TMEM178B: variants seen among roughly 807,000 people sequenced by gnomAD.
TMEM178B encodes the protein transmembrane protein 178B.
In TMEM178B, 5 loss-of-function variants were observed where a neutral mutation model predicts 31.0. That is an observed-to-expected ratio of 0.16 (90% CI 0.08 to 0.34). The LOEUF (loss-of-function observed/expected upper bound fraction) is 0.34, where lower values mean the gene tolerates loss of function less well. Ranked by LOEUF, TMEM178B falls within the 10% of genes least tolerant of loss-of-function variation. The pLI is 1.00. For synonymous variants in TMEM178B, 164 were observed against 164.0 expected, an observed-to-expected ratio of 1.00 and a Z score of 0.00; for missense variants, 275 against 400.3, an observed-to-expected ratio of 0.69 and a Z score of 2.67.
intron 1 of TMEM178B, among the ~76,000 whole-genome samples, chr7:141,105,727 C>T (rs768767733): frequency 3.9e-5 from 6 of 152,078 alleles, no homozygotes; most frequent in South Asian, 2.1e-4. Context: ...CATTAGAAGA[C>T]GATGAAAGCA....
In TMEM178B at chr7:141,440,971, C is replaced by T. The variant is rs62486700; in HGVS notation, c.634+3226C>T. On this transcript the variant is annotated intron_variant, in intron 3 of 3. Coordinates refer to ENST00000565468, the MANE Select transcript of TMEM178B (RefSeq NM_001195278.2). The stretch of plus-strand genomic sequence containing the variant: ...CAGAAGGGGCTGGAGAACAAAGCCA[C>T]TAAGAGCTGGTCCCTCGAAGTGTGG... Among the ~76,000 whole-genome samples, 966 of 152,340 alleles carry T rather than the reference C, an allele frequency of 6.3e-3. 1 individual carries two copies. The highest frequency in any genetic ancestry group is 0.01 in the Non-Finnish European group (684 of 68,032).
the TMEM178B span, among the ~76,000 whole-genome samples, chr7:141,499,241 T>C: frequency 5.6e-3 from 856 of 152,260 alleles, 10 homozygotes; most frequent in African/African-American, 0.02. Context: ...TCAGTGTACA[T>C]TTCTAGCTGT....
chr7:141,120,133 T>A (rs912897690), intron 1 of TMEM178B, among the ~76,000 whole-genome samples: 3 of 152,202 alleles, frequency 2.0e-5, no homozygotes, highest in Admixed American at 2.0e-4. Flanking sequence ...ATATCAACAG[T>A]GCGTGCCATG....
chr7:141,152,241 A>G (rs1232565542), intron 1 of TMEM178B, among the ~76,000 whole-genome samples: 1 of 152,162 alleles, frequency 6.6e-6, no homozygotes, highest in Non-Finnish European at 1.5e-5. Flanking sequence ...CCCTGGGAAC[A>G]GGCATAGAGC....
intron 2 of TMEM178B, among the ~76,000 whole-genome samples, chr7:141,408,593 G>T (rs971239226): frequency 6.6e-6 from 1 of 152,166 alleles, no homozygotes; most frequent in Non-Finnish European, 1.5e-5. Flanking sequence ...TTCCTGCCCT[G>T]AATGGAGCTT....
intron 2 of TMEM178B, among the ~76,000 whole-genome samples, chr7:141,337,152 CCACCAT>C (rs370051059): frequency 0.012 from 20 of 1,724 alleles, no homozygotes; most frequent in Non-Finnish European, 0.017. Context: ...ATCATCACCA[CCACCAT>C]CACCACCACC....
In TMEM178B at chr7:141,266,057, G is replaced by A. The variant is rs1459422824; in HGVS notation, c.496+53353G>A. On this transcript the variant is annotated intron_variant, in intron 2 of 3. Transcript: ENST00000565468. ...GCTTCATCATCTAGCCCATTCTGGA[G>A]CACATCAGCTCTTCTGGCATCAGAG... Among the ~76,000 whole-genome samples the A allele has an allele frequency of 2.0e-5, 3 of 152,198 alleles. No homozygotes were observed. In the East Asian group the frequency reaches 5.8e-4, roughly 29 times the overall value.
intron 2 of TMEM178B, among the ~76,000 whole-genome samples, chr7:141,364,659 CAAAAAAAAAAAAAA>C (rs980786132): frequency 2.1e-5 from 1 of 47,694 alleles, no homozygotes; most frequent in East Asian, 9.0e-4. Context: ...GACTCTGTCT[CAAAAAAAAAAAAAA>C]AAAAAAAAAA....
intron 1 of TMEM178B, among the ~76,000 whole-genome samples, chr7:141,108,457 A>G (rs1054384242): frequency 6.6e-5 from 10 of 152,182 alleles, no homozygotes; most frequent in Non-Finnish European, 1.2e-4. Context: ...AGAGTGTGTC[A>G]TGGTTAGACT....
chr7:141,439,998 G>A (rs1801627716), intron 3 of TMEM178B, among the ~76,000 whole-genome samples: 2 of 152,330 alleles, frequency 1.3e-5, no homozygotes, highest in East Asian at 3.9e-4. Flanking sequence ...ACACATCACT[G>A]GTCAAACAAT....
intron 2 of TMEM178B, among the ~76,000 whole-genome samples, chr7:141,223,094 G>A (rs1395528913): frequency 6.6e-6 from 1 of 152,122 alleles, no homozygotes; most frequent in African/African-American, 2.4e-5. Context: ...GTCTAGCCCG[G>A]CCCTGCCTTC....
intron 2 of TMEM178B, among the ~76,000 whole-genome samples, chr7:141,369,768 A>T (rs930938738): frequency 1.3e-5 from 2 of 152,140 alleles, no homozygotes; most frequent in Admixed American, 6.5e-5. Context: ...TGGAGCCGGG[A>T]TTACTTCCTA....
chr7:141,245,248 ACAT>A (rs1415077098), intron 2 of TMEM178B, among the ~76,000 whole-genome samples: 3 of 149,164 alleles, frequency 2.0e-5, no homozygotes, highest in Non-Finnish European at 4.4e-5. Context: ...GAGCCAAGAA[ACAT>A]CATGTTAAGG....
intron 2 of TMEM178B, among the ~76,000 whole-genome samples, chr7:141,401,699 CCCAG>C (rs1800778941): frequency 5.9e-5 from 9 of 152,136 alleles, no homozygotes; most frequent in Admixed American, 5.9e-4. Context: ...AGCCACCGTG[CCCAG>C]CCTGCAGTTA....
intron 2 of TMEM178B, among the ~76,000 whole-genome samples, chr7:141,397,090 C>T (rs963970284): frequency 6.6e-6 from 1 of 152,146 alleles, no homozygotes; most frequent in African/African-American, 2.4e-5. Context: ...ATGGGGTCAG[C>T]TCACGTTCAT....
chr7:141,503,288 A>G, the TMEM178B span, among the ~76,000 whole-genome samples: 8 of 152,192 alleles, frequency 5.3e-5, no homozygotes, highest in Non-Finnish European at 1.5e-5. Flanking sequence ...TACTATTGTC[A>G]TTTTCAAATA....
chr7:141,179,752 C>T (rs185001627), intron 1 of TMEM178B, among the ~76,000 whole-genome samples: 33 of 152,310 alleles, frequency 2.2e-4, no homozygotes, highest in Admixed American at 2.0e-3. Context: ...GGACAAGTGT[C>T]CTCTGTCCCG....
Position 141,365,468 on chromosome 7 carries a change from CT to C in TMEM178B, c.497-72138del, listed in dbSNP as rs374027214. ...ACCTGTATGAATTGGGGCCCATCTC[CT>C]TCACCCCTCTGAGCCTCAGTTCTCC... On this transcript the variant is annotated intron_variant, in intron 2 of 3. Coordinates refer to ENST00000565468, the MANE Select transcript of TMEM178B (RefSeq NM_001195278.2). 9.2e-5 allele frequency among the ~76,000 whole-genome samples: 14 copies of C among 152,294 alleles called. No homozygotes were observed. In the South Asian group the frequency reaches 2.7e-3, roughly 29 times the overall value.
At chr7:141,437,569 G>A (rs1352785669) in intron 2 of TMEM178B, 39 bp from the exon 3 acceptor site, 1 of 1,534,100 alleles carries the variant, frequency 6.5e-7, no homozygotes, top group Admixed American at 2.0e-5. Flanking sequence ...CTCAGTCCCA[G>A]GCTCTGCTGC....
Sources: allele counts gnomAD v4.1 joint callset (sites outside exome capture counted in the v4.1 genomes callset), GRCh38; gene constraint gnomAD v4.1.1; transcripts MANE v1.5; gene names NCBI Gene and HGNC (gene_info 2026-07-23, HGNC 2026-07-21).